Variants in DLG1 observed in about 807,000 individuals in gnomAD.
DLG1 encodes the protein discs large MAGUK scaffold protein 1.
DLG1 carries 42 observed loss-of-function variants against 123.4 expected under a neutral mutation model. That is an observed-to-expected ratio of 0.34 (90% CI 0.27 to 0.44). The LOEUF (loss-of-function observed/expected upper bound fraction) is 0.44, where lower values mean the gene tolerates loss of function less well. Among genes scored for constraint, DLG1 ranks in the 20% least tolerant of loss-of-function variants. The pLI, the probability that DLG1 is intolerant of heterozygous loss-of-function variation, is 1.00. For synonymous variants in DLG1, 317 were observed against 356.2 expected (o/e 0.89, Z 1.24); for missense variants, 942 against 1,082.6 (o/e 0.87, Z 1.82).
chr3:197,130,282 T>C (rs1781840439), intron 11 of DLG1, among the ~76,000 whole-genome samples: 1 of 152,136 alleles, frequency 6.6e-6, no homozygotes, highest in South Asian at 2.1e-4. Context: ...TACATAAAAG[T>C]TTGAAAATCC....
chr3:197,145,038 T>C (rs1473126522), intron 6 of DLG1, among the ~76,000 whole-genome samples: 1 of 108,640 alleles, frequency 9.2e-6, no homozygotes, highest in Non-Finnish European at 2.0e-5. Context: ...CTCGCTTGCT[T>C]GCTCTCTCTC....
intron 6 of DLG1, among the ~76,000 whole-genome samples, chr3:197,143,949 T>A (rs1319992547): frequency 2.0e-5 from 3 of 152,210 alleles, no homozygotes; most frequent in African/African-American, 7.2e-5. Flanking sequence ...GTGAAACAAG[T>A]CCCTGGAATC....
intron 5 of DLG1, among the ~76,000 whole-genome samples, chr3:197,160,940 A>G (rs1164552351): frequency 6.6e-6 from 1 of 152,102 alleles, no homozygotes; most frequent in African/African-American, 2.4e-5. Flanking sequence ...TACCACTACC[A>G]TTATTTTGAC....
At chr3:197,058,369 T>C (rs1236656054) in intron 23 of DLG1, among the ~76,000 whole-genome samples, 1 of 149,540 alleles carries the variant, frequency 6.7e-6, no homozygotes, top group Admixed American at 6.6e-5. Flanking sequence ...GCTGTGTGTA[T>C]TCCTTCAAAG....
At chr3:197,217,303 A>T (rs1169851859) in intron 4 of DLG1, among the ~76,000 whole-genome samples, 2 of 152,228 alleles carry the variant, frequency 1.3e-5, no homozygotes, top group African/African-American at 4.8e-5. Context: ...TGATCATTCT[A>T]ATTGGTGTTG....
chr3:197,295,589 G>A (rs1455138461), intron 3 of DLG1, among the ~76,000 whole-genome samples: 1 of 152,130 alleles, frequency 6.6e-6, no homozygotes, highest in Middle Eastern at 3.4e-3. Context: ...AAGTCACCTT[G>A]TTTTATACAT....
intron 4 of DLG1, among the ~76,000 whole-genome samples, chr3:197,223,444 C>T (rs1738214123): frequency 6.6e-6 from 1 of 152,046 alleles, no homozygotes; most frequent in Admixed American, 6.5e-5. Context: ...AACTCTAGTC[C>T]CATAGAAAAC....
At chr3:197,255,263 G>A (rs1477261139) in intron 4 of DLG1, among the ~76,000 whole-genome samples, 2 of 152,074 alleles carry the variant, frequency 1.3e-5, no homozygotes, top group African/African-American at 4.8e-5. Context: ...TCTTAGCAAA[G>A]ACCTCTAGAC....
At chr3:197,149,641 G>T in intron 6 of DLG1, 102 bp downstream of exon 6, 1 of 794,326 alleles carries the variant, frequency 1.3e-6, no homozygotes, top group South Asian at 1.4e-5. Flanking sequence ...CATCTTAAGA[G>T]AAATGTATTA....
At chr3:197,247,918 G>A (rs903029970) in intron 4 of DLG1, among the ~76,000 whole-genome samples, 20 of 152,012 alleles carry the variant, frequency 1.3e-4, no homozygotes, top group African/African-American at 4.1e-4. Context: ...TTCTTGTTTC[G>A]CTTCACCCTC....
In DLG1 at chr3:197,203,114, T is replaced by G. The variant is rs114033161; in HGVS notation, c.319-8525A>C. On this transcript the variant is annotated intron_variant, in intron 4 of 24. Transcript: ENST00000667157. ...CTGCCTCTACAAAAAATTTTAAAAATTAGCTGGATGTGGTGATGTGTGCCT... is the reference window on the plus strand; with the variant it reads ...CTGCCTCTACAAAAAATTTTAAAAAGTAGCTGGATGTGGTGATGTGTGCCT... Among the ~76,000 whole-genome samples, 798 of 152,196 alleles carry G rather than the reference T, an allele frequency of 5.2e-3. 6 individuals carry two copies. Among genetic ancestry groups the G allele is most frequent in the African/African-American group, 0.017 (710 of 41,512 alleles).
chr3:197,273,200 GTGTGTGTGTGTA>G (rs1764684976), intron 4 of DLG1, among the ~76,000 whole-genome samples: 2 of 151,084 alleles, frequency 1.3e-5, no homozygotes, highest in African/African-American at 4.8e-5. Flanking sequence ...GTGTGTGTGT[GTGTGTGTGTGTA>G]TGTGTGTGTA....
At chr3:197,225,159 C>T (rs750730273) in intron 4 of DLG1, among the ~76,000 whole-genome samples, 3 of 152,192 alleles carry the variant, frequency 2.0e-5, no homozygotes, top group Admixed American at 6.5e-5. Context: ...GGGGTTTCAC[C>T]GTGTTAACCA....
At chr3:197,279,100 A>G (rs1767949045) in intron 4 of DLG1, among the ~76,000 whole-genome samples, 1 of 152,216 alleles carries the variant, frequency 6.6e-6, no homozygotes, top group African/African-American at 2.4e-5. Flanking sequence ...ATCATGCCCC[A>G]AGAGTCTAAA....
Position 197,296,971 on chromosome 3 carries a change from C to T in DLG1, c.19+215G>A, listed in dbSNP as rs538309422. On this transcript the variant is annotated intron_variant, in intron 2 of 24. Coordinates refer to ENST00000667157, the MANE Select transcript of DLG1 (RefSeq NM_001366207.1). ...CATCTGTTGGGGGGGGGCTAACTGC[C>T]TCTCTTAATCACTAGAGAAATGTTA... The T allele has an allele frequency of 2.6e-4, 146 of 568,896 alleles. 1 individual carries two copies. Among genetic ancestry groups the T allele is most frequent in the South Asian group, 1.2e-3 (56 of 46,544 alleles). The allele number at this position is 568,896 out of a possible 1,614,324, so 35.2% of individuals were successfully genotyped here.
intron 5 of DLG1, among the ~76,000 whole-genome samples, chr3:197,176,482 C>T (rs1480914663): frequency 6.6e-6 from 1 of 152,120 alleles, no homozygotes; most frequent in African/African-American, 2.4e-5. Flanking sequence ...CTCACCTAAC[C>T]CCTGGCAACC....
intron 5 of DLG1, among the ~76,000 whole-genome samples, chr3:197,179,142 C>T (rs557500137): frequency 3.9e-5 from 6 of 152,064 alleles, no homozygotes; most frequent in South Asian, 2.1e-4. Flanking sequence ...GTGCAGTCTG[C>T]GAGTTGGTAT....
chr3:197,095,091 AC>A (rs1006123785), intron 14 of DLG1, among the ~76,000 whole-genome samples: 2 of 152,120 alleles, frequency 1.3e-5, no homozygotes, highest in African/African-American at 4.8e-5. Flanking sequence ...TATACCTGTC[AC>A]TTTCAAATCT....
intron 4 of DLG1, among the ~76,000 whole-genome samples, chr3:197,233,268 T>C (rs1744198575): frequency 6.6e-6 from 1 of 152,232 alleles, no homozygotes; most frequent in South Asian, 2.1e-4. Flanking sequence ...AACGCATTAT[T>C]AATAGAAATT....
Sources: gnomAD v4.1 joint callset for allele counts (sites outside exome capture counted in the v4.1 genomes callset) on GRCh38, gnomAD v4.1.1 for gene constraint, MANE v1.5 for transcripts, NCBI Gene and HGNC (gene_info 2026-07-23, HGNC 2026-07-21) for gene names.